The following DHX57 variants were observed in gnomAD, a reference collection of about 807,000 sequenced individuals.
DHX57 encodes DExH-box helicase 57, also known as putative ATP-dependent RNA helicase DHX57.
A neutral mutation model predicts 156.2 loss-of-function variants in DHX57; 105 were observed. That is an observed-to-expected ratio of 0.67 (90% CI 0.57 to 0.79). DHX57 has a LOEUF of 0.79. Ranked by LOEUF, DHX57 falls within the 30% of genes least tolerant of loss-of-function variation. The pLI is 0.00. For missense variants in DHX57, 1,847 were observed against 1,661.9 expected (o/e 1.11, Z -1.94); for synonymous variants, 704 against 595.6 (o/e 1.18, Z -2.65).
intron 16 of DHX57, among the ~76,000 whole-genome samples, chr2:38,824,434 A>G (rs1670989275): frequency 6.6e-6 from 1 of 152,234 alleles, no homozygotes; most frequent in African/African-American, 2.4e-5. Context: ...GCTCTGCTGT[A>G]CAACATTATG....
At chr2:38,799,699 G>A (rs1337894029) in intron 23 of DHX57, among the ~76,000 whole-genome samples, 12 of 136,640 alleles carry the variant, frequency 8.8e-5, no homozygotes, top group South Asian at 2.4e-4. Context: ...GTGGTGAGCC[G>A]AGATCGCGCC....
At chr2:38,862,420 A>T in intron 3 of DHX57, 87 bp from the exon 4 acceptor site, 1 of 1,279,302 alleles carries the variant, frequency 7.8e-7, no homozygotes. Flanking sequence ...AATTTAATTC[A>T]TAGGATCCTG....
rs940646059 is a variant in DHX57, at chr2:38,819,427, C to T, written c.3292-283G>A. Among the ~76,000 whole-genome samples, 22 of 152,184 alleles carry T rather than the reference C, an allele frequency of 1.4e-4. 1 individual carries two copies. The highest frequency in any genetic ancestry group is 4.4e-5 in the Non-Finnish European group (3 of 68,030). On this transcript the variant is annotated intron_variant, in intron 17 of 23. Coordinates refer to ENST00000457308, the MANE Select transcript of DHX57 (RefSeq NM_198963.3). The stretch of plus-strand genomic sequence containing the variant: ...CTGGGCTCAGGCAATTGGCCCACCT[C>T]GGCCTACCAAAATGCTGGCATTATA...
rs766848477 is a variant in DHX57 at position 38,806,546 on chromosome 2, C to A, written c.3816+13G>T. ...ACGACCTGTAAACATTAAGTATACT[C>A]CACCATTCTGACCTGATAGTTCACT... On this transcript the variant is annotated intron_variant, in intron 22 of 23. Coordinates refer to ENST00000457308, the MANE Select transcript of DHX57 (RefSeq NM_198963.3). 1.9e-6 allele frequency: 3 copies of A among 1,613,202 alleles called. 1 individual carries two copies. In the South Asian group the frequency reaches 3.3e-5, roughly 18 times the overall value.
In DHX57 at chr2:38,862,276, C is replaced by T. The variant is rs1181542907; in HGVS notation, c.441G>A (p.Arg147=). The change falls in exon 4 of 24, where the codon CGG becomes CGA. Residue 147 remains arginine (R), a synonymous_variant. Coordinates refer to ENST00000457308, the MANE Select transcript of DHX57 (RefSeq NM_198963.3). ...AAGGTTCCTGTCCAGCTGGCCAGTA[C>T]CGCTCATCGTTACAGCAATCAGGCT... is the stretch of plus-strand genomic sequence containing the variant. ...DDEPDCCNDE[R]YWPAGQEPSL... is the part of the protein sequence containing the mutation. 2.5e-6 allele frequency: 4 copies of T among 1,612,110 alleles called. No individual in the cohort carries two copies. Among genetic ancestry groups the T allele is most frequent in the Non-Finnish European group, 3.4e-6 (4 of 1,178,604 alleles).
chr2:38,870,568 T>C (rs538200027), intron 1 of DHX57, among the ~76,000 whole-genome samples: 6 of 152,332 alleles, frequency 3.9e-5, no homozygotes, highest in African/African-American at 1.2e-4. Context: ...TAATGACATA[T>C]ATATTTAAAA....
chr2:38,865,854 C>T (rs188772899), intron 2 of DHX57, among the ~76,000 whole-genome samples: 31 of 152,264 alleles, frequency 2.0e-4, no homozygotes, highest in African/African-American at 7.5e-4. Flanking sequence ...TTTATATCTA[C>T]ACTTGGAGAA....
chr2:38,815,727 G>C, intron 19 of DHX57, 72 bp from the exon 20 acceptor site: 2 of 1,589,534 alleles, frequency 1.3e-6, no homozygotes, highest in Non-Finnish European at 1.7e-6. Flanking sequence ...AAAAATGAGT[G>C]ATTATAAAAA....
chr2:38,812,599 T>C (rs1394810687), intron 21 of DHX57, among the ~76,000 whole-genome samples: 4 of 152,238 alleles, frequency 2.6e-5, no homozygotes, highest in Non-Finnish European at 4.4e-5. Context: ...AATGGTATGA[T>C]CTCGCCTCAC....
chr2:38,839,134 G>A (rs1201992348), intron 12 of DHX57, among the ~76,000 whole-genome samples: 1 of 151,694 alleles, frequency 6.6e-6, no homozygotes, highest in Non-Finnish European at 1.5e-5. Flanking sequence ...GTTTCACCAT[G>A]TTGGTCAGGC....
intron 22 of DHX57, among the ~76,000 whole-genome samples, chr2:38,805,849 G>C (rs1669910242): frequency 6.6e-6 from 1 of 152,184 alleles, no homozygotes; most frequent in Non-Finnish European, 1.5e-5. Flanking sequence ...TTTGGGGTCT[G>C]CGTCTGTGTG....
At chr2:38,818,281 C>G (rs1278175630) in intron 19 of DHX57, among the ~76,000 whole-genome samples, 3 of 152,164 alleles carry the variant, frequency 2.0e-5, no homozygotes, top group Non-Finnish European at 4.4e-5. Context: ...AATCCCAGCA[C>G]TTTGGGTGGC....
chr2:38,813,938 T>C, intron 20 of DHX57, 43 bp from the exon 21 acceptor site: 1 of 1,595,186 alleles, frequency 6.3e-7, no homozygotes, highest in Non-Finnish European at 8.6e-7. Flanking sequence ...GATATGGCTA[T>C]TTCTTTTTTT....
chr2:38,826,463 C>T, intron 15 of DHX57, 53 bp downstream of exon 15: 3 of 1,585,362 alleles, frequency 1.9e-6, no homozygotes, highest in Non-Finnish European at 2.6e-6. Context: ...AACGGTGTCT[C>T]CCTAAATGAA....
At chr2:38,839,931 G>T (rs1461914243) in intron 12 of DHX57, among the ~76,000 whole-genome samples, 1 of 152,088 alleles carries the variant, frequency 6.6e-6, no homozygotes, top group African/African-American at 2.4e-5. Flanking sequence ...AAAGAAAACT[G>T]AACATAGTTT....
intron 21 of DHX57, among the ~76,000 whole-genome samples, chr2:38,809,196 T>G (rs1455427308): frequency 6.6e-6 from 1 of 152,176 alleles, no homozygotes; most frequent in Non-Finnish European, 1.5e-5. Flanking sequence ...CACGGCTCAC[T>G]GCAGCCTCAA....
Position 38,818,960 on chromosome 2 carries a change from C to A in DHX57, c.3388G>T (p.Gly1130Ter). The A allele has an allele frequency of 6.2e-7, 1 of 1,614,144 alleles. No homozygotes were observed. Among genetic ancestry groups the A allele is most frequent in the Non-Finnish European group, 8.5e-7 (1 of 1,180,026 alleles). Reference protein sequence around the residue: ...DYLALLQAYKGWQLSTKEGVR... With the variant: ...DYLALLQAYK ...CCTTCTTTTGTACTTAGCTGCCATC[C>A]CTAAATTTTGGAGAAAATCAAACTG... Residue 1130 changes from glycine to a stop codon, truncating the protein, a stop_gained and splice_region_variant, in exon 19 of 24, where the codon GGA becomes TGA. Transcript: ENST00000457308. LOFTEE classifies it high-confidence loss of function.
At chr2:38,800,044 G>A (rs1169012335) in intron 23 of DHX57, among the ~76,000 whole-genome samples, 10 of 151,924 alleles carry the variant, frequency 6.6e-5, no homozygotes, top group African/African-American at 1.4e-4. Flanking sequence ...AAAATTAGCC[G>A]GGTGGTGGCG....
At chr2:38,839,631 G>C (rs1315765076) in intron 12 of DHX57, among the ~76,000 whole-genome samples, 1 of 151,598 alleles carries the variant, frequency 6.6e-6, no homozygotes, top group Non-Finnish European at 1.5e-5. Flanking sequence ...TGAGGCAGGA[G>C]ATTCGCTTGA....
Sources: gnomAD v4.1 joint callset for allele counts (sites outside exome capture counted in the v4.1 genomes callset) on GRCh38, gnomAD v4.1.1 for gene constraint, MANE v1.5 for transcripts, NCBI Gene and HGNC (gene_info 2026-07-23, HGNC 2026-07-21) for gene names.